ZNF142: variants seen among roughly 807,000 people sequenced by gnomAD.
ZNF142 encodes the protein zinc finger protein 142.
Under a neutral mutation model 132.1 loss-of-function variants are expected in ZNF142, and 96 were observed. That is an observed-to-expected ratio of 0.73 (90% CI 0.62 to 0.86). The LOEUF (loss-of-function observed/expected upper bound fraction) is 0.86. Among genes scored for constraint, ZNF142 ranks in the 40% least tolerant of loss-of-function variants. ZNF142 has a pLI of 0.00. For missense variants in ZNF142, 2,163 were observed against 2,336.2 expected (o/e 0.93, Z 1.53); for synonymous variants, 842 against 890.1 (o/e 0.95, Z 0.96).
rs1438368287 is a variant in ZNF142, at chr2:218,651,851, G to A, written c.730C>T (p.Arg244Trp). The change falls in exon 5 of 11, where the codon CGG (arginine) becomes TGG (tryptophan). Residue 244 changes from arginine to tryptophan, a missense_variant. Transcript: ENST00000411696. ...CAGTGGAAAGGGTAATGCGCCTGCC[G>A]GTGCAGCTCCATGCCCTGCTGGCTC... The part of the protein sequence containing the change: ...FGSQQGMELH[R>W]QAHYPFHCSH... 14 of 1,289,780 alleles carry A rather than the reference G, an allele frequency of 1.1e-5. No homozygotes were observed. Among genetic ancestry groups the A allele is most frequent in the Non-Finnish European group, 1.4e-5 (14 of 988,900 alleles). 79.9% of individuals were successfully genotyped at this position (1,289,780 alleles called of 1,614,324 possible).
In ZNF142 at chr2:218,643,659, C is replaced by T. The variant is rs1244366291; in HGVS notation, c.3457G>A (p.Glu1153Lys). The T allele has an allele frequency of 6.5e-7, 1 of 1,549,702 alleles. No homozygotes were observed. Among genetic ancestry groups the T allele is most frequent in the Admixed American group, 2.1e-5 (1 of 48,558 alleles). Reference sequence around the variant, plus strand: ...CCAGAGACTGTGGCAAGAGGCTCTTCTGTTTCTTCTGGCTCCCTGGGAAGC... The same window carrying T: ...CCAGAGACTGTGGCAAGAGGCTCTTTTGTTTCTTCTGGCTCCCTGGGAAGC... ...LELPREPEETEEPLATVSGSP... is the reference protein window; with the variant it reads ...LELPREPEETKEPLATVSGSP... The change falls in exon 9 of 11, where the codon GAA becomes AAA. Residue 1153 changes from glutamate to lysine, a missense_variant. Physicochemically the swap from Glu to Lys is moderately conservative, Grantham distance 56. Coordinates refer to ENST00000411696, the MANE Select transcript of ZNF142 (RefSeq NM_001379659.1).
At chr2:218,657,827 C>G (rs1000761034) in intron 3 of ZNF142, among the ~76,000 whole-genome samples, 2 of 152,224 alleles carry the variant, frequency 1.3e-5, no homozygotes, top group Non-Finnish European at 2.9e-5. Flanking sequence ...TGTTGTTTAC[C>G]TGTCAGTCTC....
chr2:218,655,579 T>C lies in ZNF142; in HGVS notation c.280+571A>G, dbSNP rs536307914. Among the ~76,000 whole-genome samples the C allele has an allele frequency of 3.3e-5, 5 of 152,238 alleles. No homozygotes were observed. In the East Asian group the frequency reaches 5.8e-4, roughly 18 times the overall value. On this transcript the variant is annotated intron_variant, in intron 4 of 10. Coordinates refer to ENST00000411696, the MANE Select transcript of ZNF142 (RefSeq NM_001379659.1). ...ATCATAACATACGGCAGCCTCTAACTCCTGGGCTCAAGCAATCTTCCTGCC... is the reference window on the plus strand; with the variant it reads ...ATCATAACATACGGCAGCCTCTAACCCCTGGGCTCAAGCAATCTTCCTGCC...
rs574737610 is a variant in ZNF142, at chr2:218,633,902, G to A, written c.*4437C>T. ...TTCAGAAACTCCTTAGAGCAGACAA[G>A]GGCAGAGGAGTTATGAATAGTGGCT... On this transcript the variant is annotated 3_prime_UTR_variant, in exon 11 of 11. Transcript: ENST00000411696. 5 of 1,237,856 alleles carry A rather than the reference G, an allele frequency of 4.0e-6. No homozygotes were observed. Among genetic ancestry groups the A allele is most frequent in the Non-Finnish European group, 5.7e-6 (5 of 879,596 alleles). 76.7% of individuals were successfully genotyped at this position (1,237,856 alleles called of 1,614,324 possible).
In ZNF142 at chr2:218,643,013, C is replaced by A; in HGVS notation, c.4103G>T (p.Arg1368Leu). 1 of 1,605,078 alleles carries A rather than the reference C, an allele frequency of 6.2e-7. No individual in the cohort carries two copies. The change falls in exon 9 of 11, where the codon CGG (arginine) becomes CTG (leucine). Residue 1368 changes from arginine to leucine, a missense_variant. Transcript: ENST00000411696. ...ACAGTCCCCACACTGTAGATGGGGCCGGGGCCCACGGGCTGGGGCTGCAGT... is the reference window on the plus strand; with the variant it reads ...ACAGTCCCCACACTGTAGATGGGGCAGGGGCCCACGGGCTGGGGCTGCAGT... ...HPTAAPARGP[R>L]PHLQCGDCGF... is the part of the protein sequence containing the mutation.
chr2:218,656,967 CCA>C (rs1938569128), intron 3 of ZNF142, among the ~76,000 whole-genome samples: 1 of 151,986 alleles, frequency 6.6e-6, no homozygotes, highest in South Asian at 2.1e-4. Flanking sequence ...CAGGCATGTG[CCA>C]CACACGCCCA....
In ZNF142 at chr2:218,633,983, G is replaced by A; in HGVS notation, c.*4356C>T. On this transcript the variant is annotated 3_prime_UTR_variant, in exon 11 of 11. Transcript: ENST00000411696. ...GATGGACAGAGTAGAGAGGCACAGT[G>A]AAACTTTCTGGAGCCAGCTTCAGAT... 7.2e-7 allele frequency: 1 copy of A among 1,397,596 alleles called. No homozygotes were observed. The highest frequency in any genetic ancestry group is 1.4e-5 in the South Asian group (1 of 72,754). The allele number at this position is 1,397,596 out of a possible 1,614,324, so 86.6% of individuals were successfully genotyped here. A position where few individuals can be genotyped will look rare whatever the true frequency, so the allele number is the denominator to read the frequency against.
At chr2:218,652,914 C>G (rs1016487592) in intron 4 of ZNF142, among the ~76,000 whole-genome samples, 1 of 151,998 alleles carries the variant, frequency 6.6e-6, no homozygotes, top group Non-Finnish European at 1.5e-5. Flanking sequence ...AGAGCCATGA[C>G]TCAAGGCCAG....
At chr2:218,653,254 G>A (rs1160830060) in intron 4 of ZNF142, among the ~76,000 whole-genome samples, 1 of 94,156 alleles carries the variant, frequency 1.1e-5, no homozygotes, top group East Asian at 5.6e-4. Context: ...ACTCCAGCCT[G>A]GCCAAGAGAG....
chr2:218,658,483 G>A (rs1938844956), intron 3 of ZNF142, among the ~76,000 whole-genome samples: 1 of 152,136 alleles, frequency 6.6e-6, no homozygotes, highest in African/African-American at 2.4e-5. Context: ...GGAGGTTGCA[G>A]TGAGCCGAGA....
chr2:218,650,400 TG>T lies in ZNF142; in HGVS notation c.1006del (p.Gln336LysfsTer133). 1 of 1,614,220 alleles carries T rather than the reference TG, an allele frequency of 6.2e-7. No homozygotes were observed. Among genetic ancestry groups the T allele is most frequent in the Non-Finnish European group, 8.5e-7 (1 of 1,180,032 alleles). Reference sequence around the variant, plus strand: ...CCCTTGGCCTTTATCCACAGCCTTTTGGGAGTCCTTCTGGGTGTCACTCTTC... The same window carrying T: ...CCCTTGGCCTTTATCCACAGCCTTTTGGAGTCCTTCTGGGTGTCACTCTTC... ...EEKSDTQKDS[Q>X]KAVDKGQGAQ... On this transcript the variant is annotated frameshift_variant, in exon 6 of 11. Transcript: ENST00000411696. LOFTEE classifies it high-confidence loss of function.
rs1226193313 is a variant in ZNF142, at chr2:218,643,208, C to T, written c.3908G>A (p.Arg1303His). Residue 1303 changes from arginine (R) to histidine (H), a missense_variant, in exon 9 of 11, where the codon CGC (arginine) becomes CAC (histidine). This residue lies in a region of ZNF142 where 809 missense variants were observed against 801.7 expected (regional missense o/e 1.01). Transcript: ENST00000411696. ...AAAGGGACATGTAGGGCAGGAGAAGCGAGCCCCCTTCTGCTTTTGAACCAG... is the reference window on the plus strand; with the variant it reads ...AAAGGGACATGTAGGGCAGGAGAAGTGAGCCCCCTTCTGCTTTTGAACCAG... ...TVLVQKQKGA[R>H]FSCPTCPFSC... 12 of 1,614,120 alleles carry T rather than the reference C, an allele frequency of 7.4e-6. No homozygotes were observed. The highest frequency in any genetic ancestry group is 5.3e-5 in the African/African-American group (4 of 74,954).
Position 218,636,230 on chromosome 2 carries a change from T to A in ZNF142, c.*2109A>T. 6.2e-7 allele frequency: 1 copy of A among 1,612,322 alleles called. No homozygotes were observed. Among genetic ancestry groups the A allele is most frequent in the African/African-American group, 1.3e-5 (1 of 75,020 alleles). The stretch of plus-strand genomic sequence containing the variant: ...CATAATGTCTTCTTATTTCTTTCTG[T>A]CCACCAACTCAGGTTTTAATCCATA... On this transcript the variant is annotated 3_prime_UTR_variant, in exon 11 of 11. Transcript: ENST00000411696.
At position 218,643,108 on chromosome 2, in the gene ZNF142, G is replaced by A; in HGVS notation, c.4008C>T (p.His1336=). 6.2e-7 allele frequency: 1 copy of A among 1,612,446 alleles called. No homozygotes were observed. The highest frequency in any genetic ancestry group is 1.1e-5 in the South Asian group (1 of 90,908). Reference sequence around the variant, plus strand: ...GAGCAGTGAATGGGCAGAGGCTGCAGTGCAGCTCTCCAGACTCCTCGAGGG... The same window carrying A: ...GAGCAGTGAATGGGCAGAGGCTGCAATGCAGCTCTCCAGACTCCTCGAGGG... ...GCPLEESGEL[H]CSLCPFTAPA... The change falls in exon 9 of 11, where the codon CAC becomes CAT. Residue 1336 remains histidine (H), a synonymous_variant. Transcript: ENST00000411696.
rs1490267320 is a variant in ZNF142, at chr2:218,646,304, C to A, written c.1918G>T (p.Asp640Tyr). 3.7e-6 allele frequency: 6 copies of A among 1,614,066 alleles called. No homozygotes were observed. The highest frequency in any genetic ancestry group is 1.6e-4 in the Middle Eastern group (1 of 6,084). The change falls in exon 8 of 11, where the codon GAC becomes TAC. Residue 640 changes from aspartate to tyrosine, a missense_variant. Asp to Tyr is a radical substitution (Grantham distance 160). Coordinates refer to ENST00000411696, the MANE Select transcript of ZNF142 (RefSeq NM_001379659.1). ...ATGTGCTTGGATAGGTAGCTCACGT[C>A]TCGGCATGTGAAGTCACACAGCTCA... ...KCELCDFTCR[D>Y]VSYLSKHMLT...
intron 10 of ZNF142, among the ~76,000 whole-genome samples, chr2:218,639,264 C>T (rs1696971598): frequency 6.6e-6 from 1 of 152,204 alleles, no homozygotes; most frequent in Admixed American, 6.5e-5. Context: ...AGCCACCGCG[C>T]CTGGCCCTGT....
At chr2:218,656,606 T>A (rs1183781936) in intron 3 of ZNF142, 143 bp from the exon 4 acceptor site, 1 of 438,394 alleles carries the variant, frequency 2.3e-6, no homozygotes, top group African/African-American at 2.0e-5. Flanking sequence ...TGAGACTAAA[T>A]AGAGGCTTTC....
At chr2:218,657,440 C>CT (rs764753182) in intron 3 of ZNF142, among the ~76,000 whole-genome samples, 20 of 151,798 alleles carry the variant, frequency 1.3e-4, no homozygotes, top group Admixed American at 5.3e-4. Flanking sequence ...TCCTGACATT[C>CT]TTTTTTTTGA....
At position 218,638,317 on chromosome 2, in the gene ZNF142, A is replaced by G; in HGVS notation, c.*22T>C. On this transcript the variant is annotated 3_prime_UTR_variant, in exon 11 of 11. Transcript: ENST00000411696. ...ACATCTCAGACCATACCCTCTTCCT[A>G]TACAGGAGGTGGGGCAGGCTTTCAG... 1 of 1,498,352 alleles carries G rather than the reference A, an allele frequency of 6.7e-7. No homozygotes were observed. The highest frequency in any genetic ancestry group is 2.3e-5 in the East Asian group (1 of 43,368). 92.8% of individuals were successfully genotyped at this position (1,498,352 alleles called of 1,614,324 possible).
Sources: allele counts gnomAD v4.1 joint callset (sites outside exome capture counted in the v4.1 genomes callset), GRCh38; gene constraint gnomAD v4.1.1; regional missense constraint gnomAD v4.1.1; transcripts MANE v1.5; gene names NCBI Gene and HGNC (gene_info 2026-07-23, HGNC 2026-07-21).